DRAM2: variants seen among roughly 807,000 people sequenced by gnomAD.
DRAM2 encodes the protein DNA damage-regulated autophagy modulator protein 2.
Under a neutral mutation model 33.5 loss-of-function variants are expected in DRAM2, and 26 were observed. That is an observed-to-expected ratio of 0.78 (90% CI 0.57 to 1.08). The LOEUF (loss-of-function observed/expected upper bound fraction) is 1.08, where lower values mean the gene tolerates loss of function less well. DRAM2 is among the 50% of genes least tolerant of loss of function. DRAM2 has a pLI of 0.00. For missense variants in DRAM2, 311 were observed against 318.1 expected (o/e 0.98, Z 0.17); for synonymous variants, 98 against 109.5 (o/e 0.89, Z 0.66).
At chr1:111,135,876 G>A (rs1312249369) in intron 3 of DRAM2, among the ~76,000 whole-genome samples, 1 of 152,150 alleles carries the variant, frequency 6.6e-6, no homozygotes, top group Non-Finnish European at 1.5e-5. Flanking sequence ...TGAATGAACA[G>A]CCAAAGCAAA....
intron 4 of DRAM2, among the ~76,000 whole-genome samples, chr1:111,129,444 T>C (rs570286604): frequency 6.6e-6 from 1 of 152,298 alleles, no homozygotes; most frequent in Admixed American, 6.5e-5. Context: ...GTTTTAATAA[T>C]TATGTTTCCT....
rs34818354 is a variant in DRAM2, at chr1:111,118,909, G to GA, written c.601-13dup. The stretch of plus-strand genomic sequence containing the variant: ...TGAAGCACATAACCCTGAGTGATGG[G>GA]AAAAAAAGAATAGTTTTGTGAAATT... On this transcript the variant is annotated splice_polypyrimidine_tract_variant and intron_variant, in intron 8 of 9. Coordinates refer to ENST00000484310, the MANE Select transcript of DRAM2 (RefSeq NM_001349884.2). 3 of 1,562,012 alleles carry GA rather than the reference G, an allele frequency of 1.9e-6. No homozygotes were observed. Among genetic ancestry groups the GA allele is most frequent in the Admixed American group, 1.8e-5 (1 of 54,476 alleles).
chr1:111,132,026 C>T (rs755927126), intron 3 of DRAM2, among the ~76,000 whole-genome samples: 10 of 152,174 alleles, frequency 6.6e-5, no homozygotes, highest in Non-Finnish European at 1.2e-4. Flanking sequence ...ATAGGAGTGT[C>T]TTTTATATGC....
intron 4 of DRAM2, among the ~76,000 whole-genome samples, chr1:111,126,560 T>C (rs1203132450): frequency 6.6e-6 from 1 of 152,048 alleles, no homozygotes; most frequent in Non-Finnish European, 1.5e-5. Flanking sequence ...AAGCTGTCCT[T>C]GGTATGTTAA....
chr1:111,124,886 G>T lies in DRAM2; in HGVS notation c.200-5C>A, dbSNP rs1431669571. 36 of 1,608,600 alleles carry T rather than the reference G, an allele frequency of 2.2e-5. No homozygotes were observed. The highest frequency in any genetic ancestry group is 2.8e-5 in the Non-Finnish European group (33 of 1,178,278). ...GAACATAAATGGTAGCAATGCCTGGGAAAAGATAATCCAAAAAACAACAAA... is the reference window on the plus strand; with the variant it reads ...GAACATAAATGGTAGCAATGCCTGGTAAAAGATAATCCAAAAAACAACAAA... On this transcript the variant is annotated splice_region_variant and splice_polypyrimidine_tract_variant and intron_variant, in intron 5 of 9. Coordinates refer to ENST00000484310, the MANE Select transcript of DRAM2 (RefSeq NM_001349884.2).
rs1455526153 is a variant in DRAM2 at position 111,117,765 on chromosome 1, G to T, written c.*395C>A. 2 of 182,008 alleles carry T rather than the reference G, an allele frequency of 1.1e-5. No homozygotes were observed. The highest frequency in any genetic ancestry group is 2.5e-3 in the Middle Eastern group (1 of 402). The allele number at this position is 182,008 out of a possible 1,614,324, so 11.3% of individuals were successfully genotyped here. ...TTTACTGACTAATGCTGATTATTTA[G>T]TCATGGAAAATGTCTCTCATAAAAG... On this transcript the variant is annotated 3_prime_UTR_variant, in exon 10 of 10. Transcript: ENST00000484310.
chr1:111,136,836 T>G (rs925360659), intron 3 of DRAM2, among the ~76,000 whole-genome samples: 2 of 139,658 alleles, frequency 1.4e-5, no homozygotes, highest in Non-Finnish European at 3.1e-5. Context: ...TAGCCGGGGG[T>G]GATGGCAGGC....
At chr1:111,132,442 T>C (rs1263543525) in intron 3 of DRAM2, among the ~76,000 whole-genome samples, 1 of 152,120 alleles carries the variant, frequency 6.6e-6, no homozygotes, top group Non-Finnish European at 1.5e-5. Flanking sequence ...GAAACATGGG[T>C]AAGACAACCC....
At chr1:111,118,729 A>G (rs1333820623) in intron 9 of DRAM2, 76 bp downstream of exon 9, 2 of 1,121,240 alleles carry the variant, frequency 1.8e-6, no homozygotes, top group East Asian at 2.7e-5. Flanking sequence ...TTGCCTATGG[A>G]AAGTTCTCTT....
In DRAM2 at chr1:111,118,183, G is replaced by A. The variant is rs114734472; in HGVS notation, c.778C>T (p.Arg260Trp). Residue 260 changes from arginine to tryptophan, a missense_variant, in exon 10 of 10, where the codon CGG (arginine) becomes TGG (tryptophan). By Grantham distance (101) the Arg-to-Trp change is moderately radical. Transcript: ENST00000484310. ...APCPINNERT[R>W]LLSRDI is the part of the protein sequence containing the mutation. ...CATCAAATATCTCTGGAAAGTAGCC[G>A]TGTTCGTTCATTGTTAATAGGGCAA... The A allele has an allele frequency of 6.1e-4, 977 of 1,612,794 alleles. 11 individuals carry two copies. In the African/African-American group the frequency reaches 0.012, roughly 19 times the overall value.
chr1:111,118,254 C>T lies in DRAM2; in HGVS notation c.707G>A (p.Arg236Gln), dbSNP rs765482763. 8.1e-6 allele frequency: 13 copies of T among 1,610,300 alleles called. 1 individual carries two copies. Among genetic ancestry groups the T allele is most frequent in the South Asian group, 5.5e-5 (5 of 90,326 alleles). ...YIRDFQKISL[R>Q]VEANLHGLTL... ...TAATCCATGTAAATTGGCTTCCACC[C>T]GTAAAGAAATTTTCTGGAACAGAAA... Residue 236 changes from arginine (R) to glutamine (Q), a missense_variant, in exon 10 of 10, where the codon CGG (arginine) becomes CAG (glutamine). By Grantham distance (43) the Arg-to-Gln change is conservative. Coordinates refer to ENST00000484310, the MANE Select transcript of DRAM2 (RefSeq NM_001349884.2).
At chr1:111,133,210 CTG>C (rs747724871) in intron 3 of DRAM2, among the ~76,000 whole-genome samples, 15 of 145,622 alleles carry the variant, frequency 1.0e-4, no homozygotes, top group African/African-American at 3.6e-4. Flanking sequence ...CAGAGTGTCA[CTG>C]TGACACCCAG....
intron 4 of DRAM2, among the ~76,000 whole-genome samples, chr1:111,127,514 G>A (rs1284089478): frequency 6.6e-6 from 1 of 151,362 alleles, no homozygotes; most frequent in Non-Finnish European, 1.5e-5. Flanking sequence ...TAATGTATTT[G>A]TAAAGAAACA....
At chr1:111,121,541 G>A (rs1009143474) in intron 6 of DRAM2, among the ~76,000 whole-genome samples, 10 of 151,998 alleles carry the variant, frequency 6.6e-5, no homozygotes, top group South Asian at 2.1e-4. Context: ...GATAAATTTC[G>A]TATGAAGAAA....
chr1:111,123,134 C>G (rs1650344779), intron 6 of DRAM2, among the ~76,000 whole-genome samples: 1 of 152,132 alleles, frequency 6.6e-6, no homozygotes, highest in Non-Finnish European at 1.5e-5. Context: ...TAATAATGAG[C>G]TACAGAAACT....
At chr1:111,123,498 C>T (rs959379901) in intron 6 of DRAM2, among the ~76,000 whole-genome samples, 2 of 152,082 alleles carry the variant, frequency 1.3e-5, no homozygotes, top group African/African-American at 2.4e-5. Context: ...TCAGTTTAGC[C>T]GTAATCATCC....
At chr1:111,135,122 T>C (rs1652906571) in intron 3 of DRAM2, among the ~76,000 whole-genome samples, 1 of 152,104 alleles carries the variant, frequency 6.6e-6, no homozygotes, top group South Asian at 2.1e-4. Flanking sequence ...GTGTAGACTT[T>C]TGTGGGTCCT....
chr1:111,138,508 G>A (rs1384498511), intron 2 of DRAM2, among the ~76,000 whole-genome samples: 3 of 152,216 alleles, frequency 2.0e-5, no homozygotes, highest in African/African-American at 4.8e-5. Flanking sequence ...CTTGCAGGCC[G>A]GGGGCGGTGG....
intron 8 of DRAM2, 96 bp from the exon 9 acceptor site, chr1:111,118,993 A>T: frequency 1.2e-6 from 1 of 815,028 alleles, no homozygotes; most frequent in Non-Finnish European, 1.8e-6. Context: ...CTTATAAAAT[A>T]ATGGAGCTTC....
Sources: allele counts gnomAD v4.1 joint callset (sites outside exome capture counted in the v4.1 genomes callset), GRCh38; gene constraint gnomAD v4.1.1; transcripts MANE v1.5; gene names NCBI Gene and HGNC (gene_info 2026-07-23, HGNC 2026-07-21).